Variants in XRCC5 observed in about 807,000 individuals in gnomAD.
XRCC5 encodes DNA repair protein Ku80.
XRCC5 carries 12 observed loss-of-function variants against 95.7 expected under a neutral mutation model. The observed-to-expected ratio is 0.13, with a 90% CI of 0.08 to 0.20. The LOEUF is 0.20. Ranked by LOEUF, XRCC5 falls within the 10% of genes least tolerant of loss-of-function variation. The probability of loss-of-function intolerance (pLI) is 1.00; values close to 1 mark genes in which losing one functional copy is unlikely to be tolerated. For synonymous variants in XRCC5, 281 were observed against 290.3 expected, an observed-to-expected ratio of 0.97 and a Z score of 0.33; for missense variants, 595 against 873.9, an observed-to-expected ratio of 0.68 and a Z score of 4.02.
intron 19 of XRCC5, among the ~76,000 whole-genome samples, chr2:216,202,388 TAAA>T (rs1030850699): frequency 6.6e-6 from 1 of 152,144 alleles, no homozygotes; most frequent in Non-Finnish European, 1.5e-5. Flanking sequence ...AAACCCCAAA[TAAA>T]AACCCATTTG....
chr2:216,191,556 G>A (rs376352071), intron 17 of XRCC5, among the ~76,000 whole-genome samples: 3 of 151,910 alleles, frequency 2.0e-5, no homozygotes, highest in African/African-American at 7.3e-5. Context: ...CATTACAGGC[G>A]CATGCCACCA....
intron 1 of XRCC5, among the ~76,000 whole-genome samples, chr2:216,109,853 C>G (rs915079459): frequency 6.6e-6 from 1 of 152,098 alleles, no homozygotes; most frequent in Admixed American, 6.6e-5. Context: ...TGAAAATTAG[C>G]TGTGATAAAG....
chr2:216,204,491 T>A, intron 20 of XRCC5, 95 bp downstream of exon 20: 2 of 1,385,182 alleles, frequency 1.4e-6, no homozygotes, highest in Non-Finnish European at 2.0e-6. Context: ...ACTTGTTGCT[T>A]ATTTGTGTTT....
In XRCC5 at chr2:216,142,219, G is replaced by A. The variant is rs140033298; in HGVS notation, c.1476+900G>A. Among the ~76,000 whole-genome samples, 7 of 151,738 alleles carry A rather than the reference G, an allele frequency of 4.6e-5. No homozygotes were observed. In the East Asian group the frequency reaches 7.7e-4, roughly 17 times the overall value. ...TTGTATGTAAATAACACTTTTCTTT[G>A]TTTTCTATATCAAAATAGTAGGAGA... On this transcript the variant is annotated intron_variant, in intron 13 of 20. Transcript: ENST00000392132.
intron 14 of XRCC5, chr2:216,156,488 T>C: frequency 1.5e-6 from 1 of 653,900 alleles, no homozygotes; most frequent in Non-Finnish European, 3.0e-6. Flanking sequence ...TCATCGATGC[T>C]GACGCATTCA....
At chr2:216,117,253 C>G in intron 3 of XRCC5, 1 of 182,842 alleles carries the variant, frequency 5.5e-6, no homozygotes, top group Non-Finnish European at 1.2e-5. Flanking sequence ...GTTTTTGTGC[C>G]AGAAATCAGA....
chr2:216,109,526 G>T (rs778095917), intron 1 of XRCC5, 69 bp downstream of exon 1: 2 of 1,601,490 alleles, frequency 1.2e-6, no homozygotes, highest in African/African-American at 1.3e-5. Context: ...TCGGAAGCAG[G>T]AATCGTGGGA....
chr2:216,139,383 G>A lies in XRCC5; in HGVS notation c.1342+1204G>A, dbSNP rs554851073. On this transcript the variant is annotated intron_variant, in intron 12 of 20. Transcript: ENST00000392132. ...GGCGAAAGGCACTTACATGGTGGCA[G>A]CAAGAGAAAATGAGGAAGAAGCAAA... 7.2e-5 allele frequency among the ~76,000 whole-genome samples: 11 copies of A among 152,232 alleles called. No individual in the cohort carries two copies. The East Asian group carries it at 2.1e-3, about 29-fold the overall frequency.
At chr2:216,157,098 G>A (rs1688857690) in intron 14 of XRCC5, among the ~76,000 whole-genome samples, 1 of 152,190 alleles carries the variant, frequency 6.6e-6, no homozygotes, top group Non-Finnish European at 1.5e-5. Flanking sequence ...ACGCTGCCTA[G>A]AGAAAACCAT....
chr2:216,183,554 G>A (rs1461925183), intron 16 of XRCC5, among the ~76,000 whole-genome samples: 1 of 152,152 alleles, frequency 6.6e-6, no homozygotes, highest in African/African-American at 2.4e-5. Flanking sequence ...TGTGTGTTGA[G>A]GTGGTCAGCA....
intron 1 of XRCC5, among the ~76,000 whole-genome samples, chr2:216,111,685 T>G (rs1305971540): frequency 6.6e-6 from 1 of 152,240 alleles, no homozygotes; most frequent in Non-Finnish European, 1.5e-5. Flanking sequence ...TTAATTTTCC[T>G]GGTAAGATGT....
At chr2:216,184,330 A>G (rs1689452247) in intron 16 of XRCC5, among the ~76,000 whole-genome samples, 1 of 152,202 alleles carries the variant, frequency 6.6e-6, no homozygotes, top group South Asian at 2.1e-4. Flanking sequence ...TTATAGAAAT[A>G]CAGCTTTTAT....
At chr2:216,135,099 GTTTGT>G (rs1697052933) in intron 10 of XRCC5, among the ~76,000 whole-genome samples, 1 of 6,988 alleles carries the variant, frequency 1.4e-4, no homozygotes, top group African/African-American at 7.6e-4. Context: ...TAGTTTTTTT[GTTTGT>G]TTGTTTGTTT....
At chr2:216,143,683 G>A (rs1289109667) in intron 13 of XRCC5, among the ~76,000 whole-genome samples, 1 of 150,986 alleles carries the variant, frequency 6.6e-6, no homozygotes, top group Admixed American at 6.6e-5. Context: ...AACCACGTGC[G>A]AAAGATACTA....
At chr2:216,164,287 G>T (rs1689012424) in intron 16 of XRCC5, among the ~76,000 whole-genome samples, 1 of 152,220 alleles carries the variant, frequency 6.6e-6, no homozygotes, top group Non-Finnish European at 1.5e-5. Flanking sequence ...GAAGTGATTG[G>T]ACTCTGTGGT....
At chr2:216,158,085 C>T (rs1454747584) in intron 14 of XRCC5, among the ~76,000 whole-genome samples, 1 of 152,132 alleles carries the variant, frequency 6.6e-6, no homozygotes, top group Non-Finnish European at 1.5e-5. Context: ...TGTCTGTTTA[C>T]CCTTCTTTCC....
rs1282380173 is a variant in XRCC5 at position 216,109,359 on chromosome 2, C to T, written c.-78C>T. The T allele has an allele frequency of 4.4e-6, 7 of 1,608,568 alleles. No individual in the cohort carries two copies. Among genetic ancestry groups the T allele is most frequent in the South Asian group, 2.2e-5 (2 of 90,314 alleles). On this transcript the variant is annotated 5_prime_UTR_variant, in exon 1 of 21. Coordinates refer to ENST00000392132, the MANE Select transcript of XRCC5 (RefSeq NM_021141.4). ...AAGCGGCTCTTTCCGCTATCTGCCG[C>T]TTGTCCACCGGAAGCGAGTTGCGAC...
intron 16 of XRCC5, among the ~76,000 whole-genome samples, chr2:216,186,060 C>T (rs1423473780): frequency 6.6e-6 from 1 of 152,192 alleles, no homozygotes; most frequent in Non-Finnish European, 1.5e-5. Context: ...TAAATGATGG[C>T]TGAGTTCAGC....
At chr2:216,187,045 G>A (rs552231795) in intron 16 of XRCC5, among the ~76,000 whole-genome samples, 3 of 152,122 alleles carry the variant, frequency 2.0e-5, no homozygotes, top group Non-Finnish European at 4.4e-5. Flanking sequence ...TAAATGGTTC[G>A]TTATAGTCAG....
Sources: allele counts gnomAD v4.1 joint callset (sites outside exome capture counted in the v4.1 genomes callset), GRCh38; gene constraint gnomAD v4.1.1; transcripts MANE v1.5; gene names NCBI Gene and HGNC (gene_info 2026-07-23, HGNC 2026-07-21).